PKHD1: variants seen among roughly 807,000 people sequenced by gnomAD.
PKHD1 encodes fibrocystin.
Under a neutral mutation model 412.0 loss-of-function variants are expected in PKHD1, and 291 were observed. The ratio of observed to expected loss-of-function variants is 0.71; its 90% CI spans 0.64 to 0.78. The LOEUF (loss-of-function observed/expected upper bound fraction) is 0.78, where lower values mean the gene tolerates loss of function less well. Among genes scored for constraint, PKHD1 ranks in the 30% least tolerant of loss-of-function variants. The probability of loss-of-function intolerance (pLI) is 0.00; values close to 1 mark genes in which losing one functional copy is unlikely to be tolerated. For missense variants in PKHD1, 4,825 were observed against 4,950.7 expected (o/e 0.97, Z 0.76); for synonymous variants, 1,777 against 1,821.5 (o/e 0.98, Z 0.62).
intron 39 of PKHD1, among the ~76,000 whole-genome samples, chr6:51,910,022 A>G (rs1480650000): frequency 3.3e-5 from 5 of 152,144 alleles, no homozygotes; most frequent in African/African-American, 1.2e-4. Context: ...CTACTTCCCC[A>G]GCTGTGCCAC....
intron 46 of PKHD1, among the ~76,000 whole-genome samples, chr6:51,881,500 A>G (rs1583177047): frequency 6.6e-6 from 1 of 152,180 alleles, no homozygotes; most frequent in East Asian, 1.9e-4. Context: ...TATAATTATA[A>G]CCAAATAATC....
chr6:51,664,434 T>A (rs1422206705), intron 60 of PKHD1, among the ~76,000 whole-genome samples: 1 of 152,070 alleles, frequency 6.6e-6, no homozygotes, highest in Non-Finnish European at 1.5e-5. Context: ...CCCTGGAGAG[T>A]TTAGCCCAGG....
intron 14 of PKHD1, among the ~76,000 whole-genome samples, chr6:52,061,557 C>T (rs957712808): frequency 6.6e-6 from 1 of 152,108 alleles, no homozygotes; most frequent in African/African-American, 2.4e-5. Flanking sequence ...AGATTACCAA[C>T]CCTACTTGGC....
chr6:51,834,533 G>T (rs997198969), intron 51 of PKHD1, among the ~76,000 whole-genome samples: 2 of 152,060 alleles, frequency 1.3e-5, no homozygotes, highest in African/African-American at 4.8e-5. Context: ...AACACAGATA[G>T]ATGTGTTAAC....
Position 51,906,355 on chromosome 6 carries a change from G to C in PKHD1, c.6683-15C>G, listed in dbSNP as rs1368006621. 6.2e-7 allele frequency: 1 copy of C among 1,607,420 alleles called. No individual in the cohort carries two copies. Among genetic ancestry groups the C allele is most frequent in the Non-Finnish European group, 8.5e-7 (1 of 1,174,382 alleles). On this transcript the variant is annotated splice_polypyrimidine_tract_variant and intron_variant, in intron 40 of 66. Coordinates refer to ENST00000371117, the MANE Select transcript of PKHD1 (RefSeq NM_138694.4). ...TATGAAAGACTCTGAATAGGAAAGAGTAAAGTAAAAATTAGATATGGCTCC... is the reference window on the plus strand; with the variant it reads ...TATGAAAGACTCTGAATAGGAAAGACTAAAGTAAAAATTAGATATGGCTCC...
intron 60 of PKHD1, among the ~76,000 whole-genome samples, chr6:51,660,242 T>C (rs1336949838): frequency 4.0e-5 from 6 of 151,872 alleles, no homozygotes; most frequent in African/African-American, 1.5e-4. Flanking sequence ...GTTGAAGAAG[T>C]AAAAGAATCA....
chr6:51,868,196 G>C, intron 47 of PKHD1, 87 bp from the exon 48 acceptor site: 1 of 1,189,156 alleles, frequency 8.4e-7, no homozygotes, highest in South Asian at 1.3e-5. Flanking sequence ...GATTTAAATT[G>C]CATATTTATC....
intron 52 of PKHD1, among the ~76,000 whole-genome samples, chr6:51,793,143 T>A (rs1418540268): frequency 1.3e-5 from 2 of 151,718 alleles, no homozygotes. Context: ...TGGTACAAAA[T>A]GAATGATCAA....
chr6:51,703,003 G>A (rs571438307), intron 60 of PKHD1, among the ~76,000 whole-genome samples: 1 of 150,536 alleles, frequency 6.6e-6, no homozygotes, highest in Non-Finnish European at 1.5e-5. Flanking sequence ...TGCCCTCAAA[G>A]CACTAAAATG....
rs750348769 is a variant in PKHD1, at chr6:51,659,358, T to C, written c.10768A>G (p.Ile3590Val). The change falls in exon 61 of 67, where the codon ATT becomes GTT. Residue 3590 changes from isoleucine (I) to valine (V), a missense_variant. Physicochemically the swap from Ile to Val is conservative, Grantham distance 29. Transcript: ENST00000371117. ...ILERLTNFLQ[I>V]GQNQIRFIHE... ...ATAAACCTGATTTGGTTTTGGCCAA[T>C]CTGTAAGAAGTTAGTTAGTCTTTCG... 6.2e-7 allele frequency: 1 copy of C among 1,613,844 alleles called. No homozygotes were observed. Among genetic ancestry groups the C allele is most frequent in the South Asian group, 1.1e-5 (1 of 91,084 alleles).
chr6:52,010,328 C>T lies in PKHD1; in HGVS notation c.5732G>A (p.Arg1911His), dbSNP rs1000434388. The change falls in exon 35 of 67, where the codon CGC becomes CAC. Residue 1911 changes from arginine to histidine, a missense_variant. Arg to His is a conservative substitution (Grantham distance 29). Coordinates refer to ENST00000371117, the MANE Select transcript of PKHD1 (RefSeq NM_138694.4). ...TTATACCTGAGTGTTCTGGCCCCAG[C>T]GTTTCCGTATCTCAGTAATCTTGAC... is the stretch of plus-strand genomic sequence containing the variant. Reference protein sequence around the residue: ...ITVKITEIRKRWGQNTQGNFS... With the variant: ...ITVKITEIRKHWGQNTQGNFS... 4 of 1,613,756 alleles carry T rather than the reference C, an allele frequency of 2.5e-6. No individual in the cohort carries two copies. Among genetic ancestry groups the T allele is most frequent in the South Asian group, 2.2e-5 (2 of 91,056 alleles).
In PKHD1 at chr6:52,024,751, T is replaced by C. The variant is rs749029593; in HGVS notation, c.5059A>G (p.Ile1687Val). ...ISGAANIDIF[I>V]GMSPCVGVSG... The stretch of plus-strand genomic sequence containing the variant: ...ACACCCACACAGGGTGACATTCCTA[T>C]AAAAATGTCAATGTTTGCAGCTCCT... The change falls in exon 32 of 67, where the codon ATA (isoleucine) becomes GTA (valine). Residue 1687 changes from isoleucine (I) to valine (V), a missense_variant. Physicochemically the swap from Ile to Val is conservative, Grantham distance 29. Coordinates refer to ENST00000371117, the MANE Select transcript of PKHD1 (RefSeq NM_138694.4). The C allele has an allele frequency of 1.9e-6, 3 of 1,614,140 alleles. No homozygotes were observed. Among genetic ancestry groups the C allele is most frequent in the Non-Finnish European group, 2.5e-6 (3 of 1,180,018 alleles).
At position 52,054,281 on chromosome 6, in the gene PKHD1, C is replaced by T. The variant is rs549932897; in HGVS notation, c.1837-116G>A. 4.3e-6 allele frequency: 4 copies of T among 941,082 alleles called. No homozygotes were observed. The South Asian group carries it at 5.8e-5, about 14-fold the overall frequency. The allele number at this position is 941,082 out of a possible 1,614,324, so 58.3% of individuals were successfully genotyped here. On this transcript the variant is annotated intron_variant, in intron 19 of 66. Transcript: ENST00000371117. ...CTGCCATAGGCTCTGAGAGAGTCAG[C>T]ACAGTTCCTGCCCTTCCAGAGCTTA...
chr6:51,827,414 T>C (rs1389106257), intron 52 of PKHD1, among the ~76,000 whole-genome samples: 1 of 152,172 alleles, frequency 6.6e-6, no homozygotes. Flanking sequence ...ATAGCCCTAA[T>C]GTTATAAATA....
intron 35 of PKHD1, among the ~76,000 whole-genome samples, chr6:52,009,002 G>A (rs1799457915): frequency 6.6e-6 from 1 of 152,168 alleles, no homozygotes; most frequent in African/African-American, 2.4e-5. Flanking sequence ...AGATCACCCA[G>A]TGTCACACAG....
chr6:51,778,547 G>A (rs1330648917), intron 53 of PKHD1, among the ~76,000 whole-genome samples: 1 of 151,984 alleles, frequency 6.6e-6, no homozygotes, highest in African/African-American at 2.4e-5. Flanking sequence ...GTAAAGGGAA[G>A]CAGGCATTAC....
At chr6:52,040,500 C>G (rs1017875976) in intron 27 of PKHD1, among the ~76,000 whole-genome samples, 1 of 152,108 alleles carries the variant, frequency 6.6e-6, no homozygotes, top group African/African-American at 2.4e-5. Context: ...TGGCCACCAT[C>G]TCACTCAGAA....
At chr6:51,808,185 C>T (rs1453322610) in intron 52 of PKHD1, among the ~76,000 whole-genome samples, 1 of 151,934 alleles carries the variant, frequency 6.6e-6, no homozygotes, top group African/African-American at 2.4e-5. Context: ...GCAAGGCACA[C>T]ATAGTGTACA....
intron 6 of PKHD1, among the ~76,000 whole-genome samples, chr6:52,074,451 T>C (rs1343504083): frequency 6.6e-6 from 1 of 152,186 alleles, no homozygotes; most frequent in Non-Finnish European, 1.5e-5. Context: ...AGTTTCCTGT[T>C]ACTGCTAAAA....
Sources: gnomAD v4.1 joint callset for allele counts (sites outside exome capture counted in the v4.1 genomes callset) on GRCh38, gnomAD v4.1.1 for gene constraint, MANE v1.5 for transcripts, NCBI Gene and HGNC (gene_info 2026-07-23, HGNC 2026-07-21) for gene names.